EXD3: variants seen among roughly 807,000 people sequenced by gnomAD.
EXD3 encodes exonuclease mut-7 homolog.
EXD3 carries 92 observed loss-of-function variants against 98.0 expected under a neutral mutation model. That is an observed-to-expected ratio of 0.94 (90% CI 0.79 to 1.12). The LOEUF (loss-of-function observed/expected upper bound fraction) is 1.12, where lower values mean the gene tolerates loss of function less well. EXD3 is among the 50% of genes most tolerant of loss of function. The pLI, the probability that EXD3 is intolerant of heterozygous loss-of-function variation, is 0.00. For missense variants in EXD3, 1,222 were observed against 1,191.6 expected, an observed-to-expected ratio of 1.03 and a Z score of -0.38; for synonymous variants, 569 against 526.0, an observed-to-expected ratio of 1.08 and a Z score of -1.12.
Position 137,403,301 on chromosome 9 carries a change from C to G in EXD3, c.-47-7897G>C, listed in dbSNP as rs1361613556. 6.6e-6 allele frequency among the ~76,000 whole-genome samples: 1 copy of G among 152,026 alleles called. No homozygotes were observed. The highest frequency in any genetic ancestry group is 6.6e-5 in the Admixed American group (1 of 15,252). ...CCAGAAGATGCAGACCCGAACGCGT[C>G]TCCTCCCGGCTGGTCTGTCCAGGAA... On this transcript the variant is annotated intron_variant, in intron 1 of 21. Coordinates refer to ENST00000340951, the MANE Select transcript of EXD3 (RefSeq NM_017820.5). The surrounding 1 kb of genome is among the most constrained non-coding windows in gnomAD (Gnocchi z 6.1).
At chr9:137,415,795 A>T (rs1436998533) in intron 1 of EXD3, among the ~76,000 whole-genome samples, 2 of 152,234 alleles carry the variant, frequency 1.3e-5, no homozygotes, top group Non-Finnish European at 2.9e-5. Flanking sequence ...GATGAATGAT[A>T]AACAGCATTT....
chr9:137,354,117 C>G (rs1834472536), intron 10 of EXD3: 1 of 1,343,212 alleles, frequency 7.4e-7, no homozygotes, highest in African/African-American at 1.5e-5. Flanking sequence ...TGGAACGAGG[C>G]CCAGTCAGGC....
chr9:137,416,528 C>A (rs889983104), intron 1 of EXD3, among the ~76,000 whole-genome samples: 25 of 151,968 alleles, frequency 1.6e-4, no homozygotes, highest in African/African-American at 6.0e-4. Flanking sequence ...CGCCCGGAAC[C>A]TCGCTGGTCC....
At position 137,354,372 on chromosome 9, in the gene EXD3, G is replaced by C. The variant is rs753572717; in HGVS notation, c.837C>G (p.Ser279Arg). ...HLCHKRFVEK[S>R]LSQENWTDHV... ...GGTCGGTCCAGTTCTCCTGTGACAG[G>C]CTCTTCTGCAAAGGCAAACAGGAAG... The change falls in exon 10 of 22, where the codon AGC (serine) becomes AGG (arginine). Residue 279 changes from serine (S) to arginine (R), a missense_variant. Transcript: ENST00000340951. 16 of 1,612,190 alleles carry C rather than the reference G, an allele frequency of 9.9e-6. No individual in the cohort carries two copies. The highest frequency in any genetic ancestry group is 1.4e-5 in the Non-Finnish European group (16 of 1,179,614).
At chr9:137,394,482 TCCCAGCCTCCGCTTCCCTAACCCC>T (rs1837103544) in intron 2 of EXD3, among the ~76,000 whole-genome samples, 1 of 119,820 alleles carries the variant, frequency 8.3e-6, no homozygotes, top group Non-Finnish European at 1.7e-5. Context: ...AACCCCGGCC[TCCCAGCCTCCGCTTCCCTAACCCC>T]GGCCTCCCAG....
At chr9:137,408,334 G>A (rs1186218775) in intron 1 of EXD3, among the ~76,000 whole-genome samples, 3 of 151,942 alleles carry the variant, frequency 2.0e-5, no homozygotes, top group Non-Finnish European at 2.9e-5. Flanking sequence ...GGATCACGAG[G>A]TCAGGAGATC....
chr9:137,398,818 C>T (rs867747289), intron 1 of EXD3, among the ~76,000 whole-genome samples: 5 of 144,978 alleles, frequency 3.4e-5, no homozygotes, highest in Non-Finnish European at 7.5e-5. Context: ...CAGGCACCCG[C>T]GTCCCCGTGA....
chr9:137,414,795 CA>C (rs1299832235), intron 1 of EXD3, among the ~76,000 whole-genome samples: 1 of 152,198 alleles, frequency 6.6e-6, no homozygotes, highest in Non-Finnish European at 1.5e-5. Flanking sequence ...ACCGCCACTC[CA>C]GGGGGGTGCT....
At position 137,307,082 on chromosome 9, in the gene EXD3, C is replaced by T. The variant is rs373543265; in HGVS notation, c.2499G>A (p.Thr833=). ...TPGLRCFYCC[T]GCGKVFWDGS... Reference sequence around the variant, plus strand: ...CGTCCCAGAAGACCTTTCCACAGCCCGTGCAGCAGTAGAAGCACCGCAGCC... The same window carrying T: ...CGTCCCAGAAGACCTTTCCACAGCCTGTGCAGCAGTAGAAGCACCGCAGCC... The change falls in exon 22 of 22, where the codon ACG becomes ACA. Residue 833 remains threonine, a synonymous_variant. Coordinates refer to ENST00000340951, the MANE Select transcript of EXD3 (RefSeq NM_017820.5). 7.5e-5 allele frequency: 121 copies of T among 1,611,242 alleles called. No individual in the cohort carries two copies. The highest frequency in any genetic ancestry group is 1.7e-4 in the Admixed American group (10 of 59,822).
At chr9:137,353,108 T>C in intron 10 of EXD3, 1 of 1,202,426 alleles carries the variant, frequency 8.3e-7, no homozygotes, top group Non-Finnish European at 1.0e-6. Context: ...CCTCCAAGCC[T>C]CCGCTGACCT....
intron 17 of EXD3, among the ~76,000 whole-genome samples, chr9:137,331,309 G>C (rs1833052665): frequency 6.6e-6 from 1 of 151,952 alleles, no homozygotes; most frequent in African/African-American, 2.4e-5. Flanking sequence ...TACTAAATGG[G>C]GAAAAGTGGA....
At chr9:137,309,733 G>A (rs1018531015) in intron 19 of EXD3, 33 bp from the exon 20 acceptor site, 4 of 1,521,710 alleles carry the variant, frequency 2.6e-6, no homozygotes, top group South Asian at 2.4e-5. Context: ...AGGCCCAGGC[G>A]GGGCTTCTCC....
chr9:137,318,215 C>T (rs777973159), intron 19 of EXD3, among the ~76,000 whole-genome samples: 11 of 152,152 alleles, frequency 7.2e-5, no homozygotes, highest in Non-Finnish European at 1.3e-4. Context: ...TCGAGAACCC[C>T]CTCTTGGACC....
chr9:137,391,317 TG>T (rs1184921054), intron 2 of EXD3, among the ~76,000 whole-genome samples: 6 of 152,162 alleles, frequency 3.9e-5, no homozygotes, highest in African/African-American at 1.4e-4. Context: ...ACTGGGCGGG[TG>T]CCGAGGAACC....
rs566179487 is a variant in EXD3, at chr9:137,332,718, G to A, written c.1999-8575C>T. Among the ~76,000 whole-genome samples, 11 of 139,768 alleles carry A rather than the reference G, an allele frequency of 7.9e-5. No homozygotes were observed. The South Asian group carries it at 1.6e-3, about 21-fold the overall frequency. 91.7% of individuals were successfully genotyped at this position (139,768 alleles called of 152,430 possible). ...AAACTAGCCATGCATGGTGGCGGGCGCCTGTAGTCCCAGCTACTTGGGAGG... is the reference window on the plus strand; with the variant it reads ...AAACTAGCCATGCATGGTGGCGGGCACCTGTAGTCCCAGCTACTTGGGAGG... On this transcript the variant is annotated intron_variant, in intron 17 of 21. Coordinates refer to ENST00000340951, the MANE Select transcript of EXD3 (RefSeq NM_017820.5).
chr9:137,350,401 G>GA (rs1834215543), intron 14 of EXD3, among the ~76,000 whole-genome samples: 2 of 102,548 alleles, frequency 2.0e-5, no homozygotes, highest in Admixed American at 1.1e-4. Context: ...CACGGGGAGG[G>GA]GTTAGATAGA....
At chr9:137,352,242 C>T (rs770091415) in intron 11 of EXD3, 41 bp from the exon 12 acceptor site, 71 of 1,610,012 alleles carry the variant, frequency 4.4e-5, no homozygotes, top group Non-Finnish European at 5.9e-5. Flanking sequence ...TGTCCCTGGT[C>T]CCCCACCCAC....
chr9:137,332,128 T>G (rs1833096958), intron 17 of EXD3, among the ~76,000 whole-genome samples: 1 of 152,100 alleles, frequency 6.6e-6, no homozygotes, highest in Non-Finnish European at 1.5e-5. Flanking sequence ...GGTCATGAAT[T>G]GGAGGAATCG....
At chr9:137,398,382 C>G (rs1363963970) in intron 1 of EXD3, among the ~76,000 whole-genome samples, 1 of 152,238 alleles carries the variant, frequency 6.6e-6, no homozygotes, top group Non-Finnish European at 1.5e-5. Context: ...CCTCTTGTCC[C>G]CTGTGCTCCC....
Sources: allele counts gnomAD v4.1 joint callset (sites outside exome capture counted in the v4.1 genomes callset), GRCh38; gene constraint gnomAD v4.1.1; non-coding constraint Gnocchi (gnomAD v3.1); transcripts MANE v1.5; gene names NCBI Gene and HGNC (gene_info 2026-07-23, HGNC 2026-07-21).